Variants in ITPR1 observed in about 807,000 individuals in gnomAD.
The protein encoded by ITPR1 is inositol 1,4,5-trisphosphate receptor type 1, also known as inositol 1,4,5-trisphosphate-gated calcium channel ITPR1.
Under a neutral mutation model 318.4 loss-of-function variants are expected in ITPR1, and 96 were observed. The observed-to-expected ratio is 0.30, with a 90% CI of 0.26 to 0.36. ITPR1 has a LOEUF of 0.36. Ranked by LOEUF, ITPR1 falls within the 10% of genes least tolerant of loss-of-function variation. The probability of loss-of-function intolerance (pLI) is 1.00; values close to 1 mark genes in which losing one functional copy is unlikely to be tolerated. For missense variants in ITPR1, 2,440 were observed against 3,460.2 expected (o/e 0.71, Z 7.40); for synonymous variants, 1,312 against 1,289.9 (o/e 1.02, Z -0.37).
At chr3:4,796,780 A>G (rs187547287) in intron 53 of ITPR1, among the ~76,000 whole-genome samples, 30 of 152,294 alleles carry the variant, frequency 2.0e-4, no homozygotes, top group South Asian at 2.1e-4. Flanking sequence ...CCCATTTGCC[A>G]AGCCACTCTG....
In ITPR1 at chr3:4,642,258, G is replaced by T. The variant is rs1476952504; in HGVS notation, c.525+7G>T. On this transcript the variant is annotated splice_region_variant and intron_variant, in intron 7 of 61. Coordinates refer to ENST00000649015, the MANE Select transcript of ITPR1 (RefSeq NM_001378452.1). The stretch of plus-strand genomic sequence containing the variant: ...GCGATCCATTGGAGACAGCGTAAGT[G>T]CGGATTCTCCACCTAGAAAGTCTTC... 1 of 1,525,454 alleles carries T rather than the reference G, an allele frequency of 6.6e-7. No homozygotes were observed. The highest frequency in any genetic ancestry group is 2.3e-5 in the East Asian group (1 of 42,898). 94.5% of individuals were successfully genotyped at this position (1,525,454 alleles called of 1,614,324 possible).
At chr3:4,658,019 A>G in intron 12 of ITPR1, 105 bp from the exon 13 acceptor site, 1 of 1,114,960 alleles carries the variant, frequency 9.0e-7, no homozygotes, top group Non-Finnish European at 1.3e-6. Context: ...CCAACTGCTG[A>G]CATTCACGAT....
intron 4 of ITPR1, among the ~76,000 whole-genome samples, chr3:4,625,751 G>T (rs2092805494): frequency 6.6e-6 from 1 of 152,048 alleles, no homozygotes; most frequent in African/African-American, 2.4e-5. Context: ...TAGAGGCGGG[G>T]TTTCACCATG....
intron 10 of ITPR1, among the ~76,000 whole-genome samples, chr3:4,650,648 C>T (rs6766567): frequency 0.79 from 110,195 of 138,762 alleles, 43,717 homozygotes; most frequent in East Asian, 0.98. Flanking sequence ...TGTGTGTGCG[C>T]GCGTCTGTCT....
At chr3:4,557,742 T>A (rs2086271601) in intron 4 of ITPR1, among the ~76,000 whole-genome samples, 1 of 152,174 alleles carries the variant, frequency 6.6e-6, no homozygotes, top group Admixed American at 6.5e-5. Flanking sequence ...TTTTCCTATA[T>A]CAAAGTTATA....
chr3:4,585,684 G>A (rs895738135), intron 4 of ITPR1, among the ~76,000 whole-genome samples: 3 of 152,002 alleles, frequency 2.0e-5, no homozygotes, highest in Non-Finnish European at 4.4e-5. Context: ...TGATCTACCT[G>A]CCTCAGCCTC....
chr3:4,570,629 G>T (rs1326448951), intron 4 of ITPR1, among the ~76,000 whole-genome samples: 1 of 152,166 alleles, frequency 6.6e-6, no homozygotes, highest in Non-Finnish European at 1.5e-5. Context: ...ACTTTAAAAT[G>T]ATATTTAATT....
rs138235196 is a variant in ITPR1, at chr3:4,510,758, A to G, written c.-16-5718A>G. ...GCTGGGAAGTAGAGATCCATGGTGT[A>G]GAGTTTATAAGAGTGGAATTTAACT... is the stretch of plus-strand genomic sequence containing the variant. On this transcript the variant is annotated intron_variant, in intron 2 of 61. Coordinates refer to ENST00000649015, the MANE Select transcript of ITPR1 (RefSeq NM_001378452.1). Among the ~76,000 whole-genome samples, 249 of 152,320 alleles carry G rather than the reference A, an allele frequency of 1.6e-3. 1 individual carries two copies. The highest frequency in any genetic ancestry group is 3.4e-3 in the Middle Eastern group (1 of 294).
chr3:4,701,638 T>C (rs558821241), intron 35 of ITPR1, among the ~76,000 whole-genome samples: 2 of 152,354 alleles, frequency 1.3e-5, no homozygotes, highest in East Asian at 1.9e-4. Flanking sequence ...ACTCTTGCAG[T>C]TGACCTCCTG....
intron 4 of ITPR1, among the ~76,000 whole-genome samples, chr3:4,567,726 C>T (rs924428076): frequency 2.6e-5 from 4 of 152,022 alleles, no homozygotes; most frequent in South Asian, 2.1e-4. Flanking sequence ...CTCAGCCTCA[C>T]GAGTAGCTGG....
intron 4 of ITPR1, among the ~76,000 whole-genome samples, chr3:4,587,473 G>C (rs137864435): frequency 5.9e-5 from 9 of 152,012 alleles, no homozygotes; most frequent in Non-Finnish European, 1.2e-4. Flanking sequence ...GTTTCACCAC[G>C]TTGGCCAGGA....
At chr3:4,526,583 C>T (rs915021383) in intron 4 of ITPR1, among the ~76,000 whole-genome samples, 17 of 152,226 alleles carry the variant, frequency 1.1e-4, no homozygotes, top group Non-Finnish European at 2.2e-4. Context: ...TTATAAGTTA[C>T]AATAGCCAAT....
intron 2 of ITPR1, among the ~76,000 whole-genome samples, chr3:4,503,402 A>C (rs2081172619): frequency 6.6e-6 from 1 of 152,206 alleles, no homozygotes; most frequent in Non-Finnish European, 1.5e-5. Flanking sequence ...CTTCTGTAGA[A>C]TAGGTGTAAA....
At chr3:4,783,609 G>A (rs565940373) in intron 50 of ITPR1, among the ~76,000 whole-genome samples, 2 of 152,302 alleles carry the variant, frequency 1.3e-5, no homozygotes, top group Non-Finnish European at 1.5e-5. Context: ...GTGTGGGCAC[G>A]AGCTTTCCAT....
intron 43 of ITPR1, among the ~76,000 whole-genome samples, chr3:4,734,163 C>T (rs1034295093): frequency 5.3e-5 from 8 of 152,226 alleles, no homozygotes; most frequent in African/African-American, 1.7e-4. Flanking sequence ...GTTCTCAAGG[C>T]ATCCTAGAGA....
chr3:4,757,264 T>C (rs2045071684), intron 44 of ITPR1, among the ~76,000 whole-genome samples: 1 of 152,214 alleles, frequency 6.6e-6, no homozygotes, highest in South Asian at 2.1e-4. Flanking sequence ...ACAGCAGTCA[T>C]TGTGTGACAA....
rs557590272 is a variant in ITPR1, at chr3:4,775,138, G to A, written c.5980-104G>A. 8.9e-5 allele frequency: 76 copies of A among 853,774 alleles called. 1 individual carries two copies. The African/African-American group carries it at 9.7e-4, about 11-fold the overall frequency. The allele number at this position is 853,774 out of a possible 1,614,324, so 52.9% of individuals were successfully genotyped here. On this transcript the variant is annotated intron_variant, in intron 46 of 61. Coordinates refer to ENST00000649015, the MANE Select transcript of ITPR1 (RefSeq NM_001378452.1). ...ATGCTCTCCCACGTGGCATCTCTCT[G>A]TATAATTACCAACCTATTAGAGGCT...
At chr3:4,774,570 G>T (rs973957737) in intron 46 of ITPR1, among the ~76,000 whole-genome samples, 1 of 152,220 alleles carries the variant, frequency 6.6e-6, no homozygotes, top group African/African-American at 2.4e-5. Flanking sequence ...CTCAAGTTGG[G>T]TGAATGTGGC....
chr3:4,514,651 A>T (rs1367829988), intron 2 of ITPR1, among the ~76,000 whole-genome samples: 1 of 152,160 alleles, frequency 6.6e-6, no homozygotes, highest in Non-Finnish European at 1.5e-5. Context: ...GCTCTTCTGC[A>T]TTTGGAAATT....
Sources: allele counts gnomAD v4.1 joint callset (sites outside exome capture counted in the v4.1 genomes callset), GRCh38; gene constraint gnomAD v4.1.1; transcripts MANE v1.5; gene names NCBI Gene and HGNC (gene_info 2026-07-23, HGNC 2026-07-21).